LINGO2: variants seen among roughly 807,000 people sequenced by gnomAD.
The protein encoded by LINGO2 is leucine-rich repeat and immunoglobulin-like domain-containing nogo receptor-interacting protein 2.
In LINGO2, 14 loss-of-function variants were observed where a neutral mutation model predicts 30.6. The ratio of observed to expected loss-of-function variants is 0.46; its 90% CI spans 0.30 to 0.72. The LOEUF (loss-of-function observed/expected upper bound fraction) is 0.72, where lower values mean the gene tolerates loss of function less well. Among genes scored for constraint, LINGO2 ranks in the 30% least tolerant of loss-of-function variants. The pLI is 0.07. For missense variants in LINGO2, 729 were observed against 751.7 expected (o/e 0.97, Z 0.35); for synonymous variants, 317 against 288.5 (o/e 1.10, Z -1.00).
chr9:29,130,273 G>A, the LINGO2 span, among the ~76,000 whole-genome samples: 1 of 152,124 alleles, frequency 6.6e-6, no homozygotes, highest in Non-Finnish European at 1.5e-5. Flanking sequence ...AGCTAATGAA[G>A]TTATAATGGT....
the LINGO2 span, among the ~76,000 whole-genome samples, chr9:29,109,073 T>C: frequency 1.3e-5 from 2 of 152,228 alleles, no homozygotes; most frequent in Non-Finnish European, 2.9e-5. Flanking sequence ...TACATATTTA[T>C]ATATAAGCCA....
chr9:28,920,154 G>A, the LINGO2 span, among the ~76,000 whole-genome samples: 51 of 152,156 alleles, frequency 3.4e-4, no homozygotes, highest in Middle Eastern at 3.4e-3. Flanking sequence ...AGGCATAGAC[G>A]TTGTAAGTCA....
chr9:28,092,579 A>C (rs1311822239), intron 4 of LINGO2, among the ~76,000 whole-genome samples: 1 of 151,258 alleles, frequency 6.6e-6, no homozygotes, highest in Non-Finnish European at 1.5e-5. Context: ...GATAGCATTA[A>C]GAGATATACC....
intron 4 of LINGO2, among the ~76,000 whole-genome samples, chr9:28,272,923 T>C (rs1286798207): frequency 6.6e-6 from 1 of 152,232 alleles, no homozygotes; most frequent in African/African-American, 2.4e-5. Context: ...CTGCTTTAAC[T>C]TGGAGAGTTA....
chr9:29,199,943 A>AG, the LINGO2 span, among the ~76,000 whole-genome samples: 3 of 152,046 alleles, frequency 2.0e-5, no homozygotes, highest in Non-Finnish European at 2.9e-5. Context: ...AAGTATTGAG[A>AG]GAAAAAAAAA....
At chr9:29,187,308 G>A in the LINGO2 span, among the ~76,000 whole-genome samples, 1 of 152,194 alleles carries the variant, frequency 6.6e-6, no homozygotes, top group Admixed American at 6.5e-5. Context: ...AAATTCCTGT[G>A]AAGTGAATCA....
chr9:29,095,114 G>T, the LINGO2 span, among the ~76,000 whole-genome samples: 2 of 138,222 alleles, frequency 1.4e-5, 1 homozygote, highest in African/African-American at 5.4e-5. Context: ...GCTTCTCTTT[G>T]TTTCATACTC....
At chr9:28,224,372 T>G (rs577121662) in intron 4 of LINGO2, among the ~76,000 whole-genome samples, 1 of 152,322 alleles carries the variant, frequency 6.6e-6, no homozygotes, top group East Asian at 1.9e-4. Flanking sequence ...CCCAGAATTT[T>G]TTATTGTTAC....
intron 4 of LINGO2, among the ~76,000 whole-genome samples, chr9:28,233,893 C>G (rs1821464077): frequency 6.6e-6 from 1 of 152,100 alleles, no homozygotes; most frequent in African/African-American, 2.4e-5. Flanking sequence ...AATTCACCAC[C>G]TGCTGACTAA....
chr9:28,049,521 GGTGA>G (rs777111359), intron 4 of LINGO2, among the ~76,000 whole-genome samples: 10 of 150,558 alleles, frequency 6.6e-5, no homozygotes, highest in African/African-American at 2.0e-4. Context: ...GAAATAGCAT[GGTGA>G]GTAAGAAATA....
the LINGO2 span, among the ~76,000 whole-genome samples, chr9:28,803,420 T>A: frequency 6.6e-6 from 1 of 151,956 alleles, no homozygotes; most frequent in Non-Finnish European, 1.5e-5. Flanking sequence ...TGAAAGCCAC[T>A]GTTTTCTATT....
intron 2 of LINGO2, among the ~76,000 whole-genome samples, chr9:28,432,833 T>A (rs1001526490): frequency 6.6e-6 from 1 of 152,156 alleles, no homozygotes; most frequent in Non-Finnish European, 1.5e-5. Flanking sequence ...AAAGAGACGT[T>A]GACTTCAGCT....
chr9:28,010,608 C>T (rs926159908), intron 5 of LINGO2, among the ~76,000 whole-genome samples: 2 of 152,160 alleles, frequency 1.3e-5, no homozygotes, highest in African/African-American at 4.8e-5. Flanking sequence ...CCTCAAATAG[C>T]CACAGAGCAC....
At chr9:28,271,156 T>TAA (rs11311789) in intron 4 of LINGO2, among the ~76,000 whole-genome samples, 17 of 144,586 alleles carry the variant, frequency 1.2e-4, no homozygotes, top group South Asian at 2.1e-4. Context: ...AAGAAAAAAG[T>TAA]AAAAAAAAAA....
At chr9:28,687,647 C>T in the LINGO2 span, among the ~76,000 whole-genome samples, 17 of 152,126 alleles carry the variant, frequency 1.1e-4, no homozygotes, top group African/African-American at 3.6e-4. Context: ...GTGCTTGCTC[C>T]ATCATATTAA....
At chr9:28,003,239 T>C (rs1822054129) in intron 5 of LINGO2, among the ~76,000 whole-genome samples, 1 of 152,118 alleles carries the variant, frequency 6.6e-6, no homozygotes, top group Non-Finnish European at 1.5e-5. Context: ...TTCCTTGATT[T>C]AATTCACTAC....
At chr9:28,407,805 G>A (rs188116694) in intron 2 of LINGO2, among the ~76,000 whole-genome samples, 1 of 152,112 alleles carries the variant, frequency 6.6e-6, no homozygotes, top group African/African-American at 2.4e-5. Flanking sequence ...AAATAAGTCT[G>A]TATCTCAGTC....
the LINGO2 span, among the ~76,000 whole-genome samples, chr9:28,691,940 T>C: frequency 2.0e-5 from 3 of 152,126 alleles, no homozygotes. Context: ...CTAGGATGGG[T>C]GAGGAATCCT....
intron 4 of LINGO2, among the ~76,000 whole-genome samples, chr9:28,210,425 A>T (rs1820548180): frequency 6.6e-6 from 1 of 151,704 alleles, no homozygotes; most frequent in Non-Finnish European, 1.5e-5. Context: ...ATGTAGCTGT[A>T]AGAATAAAAA....
Sources: gnomAD v4.1 joint callset for allele counts (sites outside exome capture counted in the v4.1 genomes callset) on GRCh38, gnomAD v4.1.1 for gene constraint, MANE v1.5 for transcripts, NCBI Gene and HGNC (gene_info 2026-07-23, HGNC 2026-07-21) for gene names.